The following MORC3 variants were observed in gnomAD, a reference collection of about 807,000 sequenced individuals.
MORC3 encodes the protein MORC family CW-type zinc finger 3, also known as MORC family CW-type zinc finger protein 3.
MORC3 carries 31 observed loss-of-function variants against 109.1 expected under a neutral mutation model. The observed-to-expected ratio is 0.28, with a 90% CI of 0.21 to 0.38. The LOEUF (loss-of-function observed/expected upper bound fraction) is 0.38. Ranked by LOEUF, MORC3 falls within the 10% of genes least tolerant of loss-of-function variation. MORC3 has a pLI of 1.00. For missense variants in MORC3, 867 were observed against 1,135.8 expected, an observed-to-expected ratio of 0.76 and a Z score of 3.40; for synonymous variants, 395 against 380.7, an observed-to-expected ratio of 1.04 and a Z score of -0.44.
chr21:36,325,121 C>T (rs1245157106), intron 1 of MORC3, among the ~76,000 whole-genome samples: 1 of 152,154 alleles, frequency 6.6e-6, no homozygotes, highest in African/African-American at 2.4e-5. Flanking sequence ...AGGAAGGAGT[C>T]ATTTTGTTGG....
Position 36,359,218 on chromosome 21 carries a change from A to G in MORC3, c.1209-737A>G, listed in dbSNP as rs141649215. 2.9e-3 allele frequency among the ~76,000 whole-genome samples: 443 copies of G among 152,338 alleles called. 2 individuals carry two copies. Among genetic ancestry groups the G allele is most frequent in the African/African-American group, 9.8e-3 (406 of 41,584 alleles). ...CAAGGCATTTGAAATATTAAGTTATAGAAAAAATTTAATGCTATTAAGACA... is the reference window on the plus strand; with the variant it reads ...CAAGGCATTTGAAATATTAAGTTATGGAAAAAATTTAATGCTATTAAGACA... On this transcript the variant is annotated intron_variant, in intron 10 of 16. Coordinates refer to ENST00000400485, the MANE Select transcript of MORC3 (RefSeq NM_015358.3).
intron 1 of MORC3, among the ~76,000 whole-genome samples, chr21:36,331,217 A>T (rs1648068302): frequency 6.6e-6 from 1 of 152,170 alleles, no homozygotes; most frequent in Non-Finnish European, 1.5e-5. Flanking sequence ...TCCCCTTATT[A>T]GGAGAGAATC....
At chr21:36,370,640 T>TAA (rs1491512258) in intron 15 of MORC3, among the ~76,000 whole-genome samples, 1 of 33,006 alleles carries the variant, frequency 3.0e-5, no homozygotes, top group African/African-American at 1.1e-4. Flanking sequence ...TATATATATA[T>TAA]TTTTTTTTTT....
chr21:36,344,337 T>C (rs1359363288), intron 6 of MORC3, among the ~76,000 whole-genome samples: 1 of 152,242 alleles, frequency 6.6e-6, no homozygotes, highest in Non-Finnish European at 1.5e-5. Context: ...GTAATAAATA[T>C]ATCAGCATCT....
chr21:36,345,876 G>C (rs1337967757), intron 8 of MORC3, among the ~76,000 whole-genome samples: 3 of 150,470 alleles, frequency 2.0e-5, no homozygotes, highest in Non-Finnish European at 4.4e-5. Context: ...TTTTTTGAGA[G>C]ACTCTACCTG....
At chr21:36,325,134 G>A (rs2038549696) in intron 1 of MORC3, among the ~76,000 whole-genome samples, 2 of 152,156 alleles carry the variant, frequency 1.3e-5, no homozygotes, top group Admixed American at 1.3e-4. Flanking sequence ...TTTGTTGGGG[G>A]TGCTCTATGT....
chr21:36,324,438 T>C (rs2085227081), intron 1 of MORC3, among the ~76,000 whole-genome samples: 1 of 151,678 alleles, frequency 6.6e-6, no homozygotes, highest in Admixed American at 6.6e-5. Flanking sequence ...CCACGTTGCC[T>C]GGTTAATTTT....
At chr21:36,325,919 T>C (rs553567871) in intron 1 of MORC3, among the ~76,000 whole-genome samples, 2 of 152,294 alleles carry the variant, frequency 1.3e-5, no homozygotes, top group African/African-American at 4.8e-5. Context: ...ATTTTATTAT[T>C]AAATTATTGT....
chr21:36,348,947 G>A lies in MORC3; in HGVS notation c.1006-364G>A, dbSNP rs566620863. 2.0e-5 allele frequency among the ~76,000 whole-genome samples: 3 copies of A among 152,124 alleles called. No homozygotes were observed. In the South Asian group the frequency reaches 6.2e-4, roughly 32 times the overall value. On this transcript the variant is annotated intron_variant, in intron 8 of 16. Transcript: ENST00000400485. ...GGCCGAGGCTGGTGGATTGCTTGAGGTCAGGAGTTGGAGACTAGCCATGGT... is the reference window on the plus strand; with the variant it reads ...GGCCGAGGCTGGTGGATTGCTTGAGATCAGGAGTTGGAGACTAGCCATGGT...
intron 5 of MORC3, among the ~76,000 whole-genome samples, chr21:36,340,607 T>C (rs937019288): frequency 1.5e-4 from 22 of 150,632 alleles, no homozygotes; most frequent in African/African-American, 5.3e-4. Context: ...TTTTCTTTTT[T>C]TTTTCTTTCT....
intron 8 of MORC3, among the ~76,000 whole-genome samples, chr21:36,347,315 C>T (rs1250884958): frequency 6.6e-6 from 1 of 152,138 alleles, no homozygotes; most frequent in Non-Finnish European, 1.5e-5. Flanking sequence ...AGCATATTTG[C>T]AGAAGTAAAT....
intron 2 of MORC3, among the ~76,000 whole-genome samples, chr21:36,335,310 ATTT>A (rs144473276): frequency 0.56 from 65,174 of 115,824 alleles, 16,798 homozygotes; most frequent in East Asian, 0.91. Flanking sequence ...AAAAGAAGGA[ATTT>A]TTTTTTTTTT....
At chr21:36,321,743 T>C (rs6517345) in intron 1 of MORC3, among the ~76,000 whole-genome samples, 110,896 of 151,798 alleles carry the variant, frequency 0.73, 41,596 homozygotes, top group East Asian at 1. Flanking sequence ...CTCTCCTTCC[T>C]CTCTCGAGGT....
At chr21:36,353,270 T>C (rs536744700) in intron 9 of MORC3, among the ~76,000 whole-genome samples, 3 of 146,864 alleles carry the variant, frequency 2.0e-5, no homozygotes, top group African/African-American at 7.5e-5. Context: ...GGCAGGAGAA[T>C]TGCTTGAACC....
chr21:36,321,960 C>T (rs2085199304), intron 1 of MORC3, among the ~76,000 whole-genome samples: 2 of 152,158 alleles, frequency 1.3e-5, no homozygotes, highest in South Asian at 4.1e-4. Flanking sequence ...TAGCTGCTGT[C>T]CATGTGCTGG....
rs1351220322 is a variant in MORC3, at chr21:36,328,926, AGAAATT to A, written c.40-4718_40-4713del. 6.4e-4 allele frequency among the ~76,000 whole-genome samples: 97 copies of A among 152,154 alleles called. 1 individual carries two copies. The Middle Eastern group carries it at 0.014, about 21-fold the overall frequency. ...TGAGGTAAAAAAAAAAAAAAGAAAA[AGAAATT>A]GTAACGATAGCTGATGAACTACAAC... On this transcript the variant is annotated intron_variant, in intron 1 of 16. Coordinates refer to ENST00000400485, the MANE Select transcript of MORC3 (RefSeq NM_015358.3).
At position 36,320,275 on chromosome 21, in the gene MORC3, A is replaced by C; in HGVS notation, c.11A>C (p.Gln4Pro). The C allele has an allele frequency of 6.4e-7, 1 of 1,573,224 alleles. No individual in the cohort carries two copies. The highest frequency in any genetic ancestry group is 8.6e-7 in the Non-Finnish European group (1 of 1,161,346). ...TGTAGCTCGCTCAAGATGGCGGCGC[A>C]GCCACCCCGCGGGATACGCCTCAGC... MAA[Q>P]PPRGIRLSAL... is the part of the protein sequence containing the mutation. Residue 4 changes from glutamine to proline, a missense_variant, in exon 1 of 17, where the codon CAG becomes CCG. Gln to Pro is a moderately conservative substitution (Grantham distance 76). This residue lies in a region of MORC3 where 33 missense variants were observed against 18.5 expected (regional missense o/e 1.78). Coordinates refer to ENST00000400485, the MANE Select transcript of MORC3 (RefSeq NM_015358.3).
intron 9 of MORC3, among the ~76,000 whole-genome samples, chr21:36,350,622 A>T (rs745434138): frequency 2.0e-5 from 3 of 152,142 alleles, no homozygotes; most frequent in Non-Finnish European, 4.4e-5. Flanking sequence ...TGATTAAGGA[A>T]AAGGAGTAGA....
At chr21:36,339,468 C>T (rs912711892) in intron 5 of MORC3, 1 of 131,194 alleles carries the variant, frequency 7.6e-6, no homozygotes, top group Non-Finnish European at 1.5e-5. Flanking sequence ...CATTAGCACT[C>T]TATTCTCTCT....
Sources: gnomAD v4.1 joint callset for allele counts (sites outside exome capture counted in the v4.1 genomes callset) on GRCh38, gnomAD v4.1.1 for gene constraint, gnomAD v4.1.1 regional missense constraint, MANE v1.5 for transcripts, NCBI Gene and HGNC (gene_info 2026-07-23, HGNC 2026-07-21) for gene names.